ATP10B: variants seen among roughly 807,000 people sequenced by gnomAD.
ATP10B encodes ATPase phospholipid transporting 10B (putative).
In ATP10B, 122 loss-of-function variants were observed where a neutral mutation model predicts 141.2. The ratio of observed to expected loss-of-function variants is 0.86; its 90% CI spans 0.75 to 1.00. ATP10B has a LOEUF of 1.00. ATP10B is among the 50% of genes least tolerant of loss of function. ATP10B has a pLI of 0.00. For synonymous variants in ATP10B, 685 were observed against 692.0 expected (o/e 0.99, Z 0.16); for missense variants, 1,876 against 1,825.3 (o/e 1.03, Z -0.51).
chr5:160,906,226 A>C, the ATP10B span, among the ~76,000 whole-genome samples: 1 of 151,978 alleles, frequency 6.6e-6, no homozygotes, highest in Non-Finnish European at 1.5e-5. Flanking sequence ...TTTCTTGTTA[A>C]TGTGTGACCA....
chr5:160,618,964 G>T (rs1239196089), intron 15 of ATP10B, among the ~76,000 whole-genome samples: 1 of 152,148 alleles, frequency 6.6e-6, no homozygotes, highest in Non-Finnish European at 1.5e-5. Flanking sequence ...AAAGTATAAT[G>T]AAGTCCAACA....
In ATP10B at chr5:160,757,876, T is replaced by C. The variant is rs547350293; in HGVS notation, c.-331+27683A>G. ...TTGCAGGGAACTGTCCTGTGCATTG[T>C]AGGGTGGTTAGCAGCATTCTGGCCT... On this transcript the variant is annotated intron_variant, in intron 2 of 25. Transcript: ENST00000327245. Among the ~76,000 whole-genome samples, 179 of 152,294 alleles carry C rather than the reference T, an allele frequency of 1.2e-3. 1 individual carries two copies. The highest frequency in any genetic ancestry group is 4.1e-3 in the African/African-American group (172 of 41,560).
At chr5:160,645,464 C>T (rs2127682004) in intron 8 of ATP10B, among the ~76,000 whole-genome samples, 1 of 152,380 alleles carries the variant, frequency 6.6e-6, no homozygotes, top group South Asian at 2.1e-4. Flanking sequence ...CCTGTACCAG[C>T]TTTCACCTGC....
At chr5:160,799,582 A>G (rs1183039249) in intron 1 of ATP10B, among the ~76,000 whole-genome samples, 1 of 152,168 alleles carries the variant, frequency 6.6e-6, no homozygotes, top group Non-Finnish European at 1.5e-5. Context: ...TGTTTCTTCT[A>G]ATTCTCAACA....
chr5:160,803,119 C>G (rs527655850), intron 1 of ATP10B, among the ~76,000 whole-genome samples: 3 of 152,258 alleles, frequency 2.0e-5, no homozygotes, highest in African/African-American at 7.2e-5. Context: ...TTGGAACCAG[C>G]TGACCTGGGC....
At chr5:160,860,282 A>G in the ATP10B span, among the ~76,000 whole-genome samples, 2 of 151,982 alleles carry the variant, frequency 1.3e-5, no homozygotes, top group Admixed American at 1.3e-4. Flanking sequence ...ATCTTAATAA[A>G]TTTGTTAAAA....
At position 160,839,186 on chromosome 5, in the gene ATP10B, A is replaced by C. The variant is rs1319805837; in HGVS notation, c.-576+12755T>G. On this transcript the variant is annotated intron_variant, in intron 1 of 25. Coordinates refer to ENST00000327245, the MANE Select transcript of ATP10B (RefSeq NM_025153.3). ...AAAACTGACTAATACAACCTGAATG[A>C]AATGGGATATTGAATTGTGTAAAAA... Among the ~76,000 whole-genome samples, 3 of 152,206 alleles carry C rather than the reference A, an allele frequency of 2.0e-5. No homozygotes were observed. The East Asian group carries it at 5.8e-4, about 29-fold the overall frequency.
At chr5:160,752,954 A>G (rs1006732976) in intron 2 of ATP10B, among the ~76,000 whole-genome samples, 2 of 152,178 alleles carry the variant, frequency 1.3e-5, no homozygotes, top group African/African-American at 4.8e-5. Flanking sequence ...AGTTCCTCTT[A>G]CTTTCTGCTT....
chr5:160,833,310 A>C (rs1002985196), intron 1 of ATP10B, among the ~76,000 whole-genome samples: 7 of 152,194 alleles, frequency 4.6e-5, no homozygotes, highest in African/African-American at 2.4e-5. Context: ...AGGTTCTAAG[A>C]CCCAATGAAG....
chr5:160,578,494 T>C (rs1171729282), intron 24 of ATP10B, among the ~76,000 whole-genome samples: 1 of 152,210 alleles, frequency 6.6e-6, no homozygotes, highest in Non-Finnish European at 1.5e-5. Flanking sequence ...TCCAGCTTCA[T>C]CCATGTCCCT....
In ATP10B at chr5:160,797,875, G is replaced by A. The variant is rs370409063; in HGVS notation, c.-575-12072C>T. Among the ~76,000 whole-genome samples, 6 of 150,946 alleles carry A rather than the reference G, an allele frequency of 4.0e-5. No individual in the cohort carries two copies. The South Asian group carries it at 1.3e-3, about 32-fold the overall frequency. On this transcript the variant is annotated intron_variant, in intron 1 of 25. Coordinates refer to ENST00000327245, the MANE Select transcript of ATP10B (RefSeq NM_025153.3). ...GGAGACTGAGGCAGGAGAATCGCTT[G>A]AGCCCAGGAGTTCGAGACCAGCCTG...
At position 160,734,659 on chromosome 5, in the gene ATP10B, A is replaced by T. The variant is rs183792705; in HGVS notation, c.-330-17625T>A. Among the ~76,000 whole-genome samples the T allele has an allele frequency of 1.1e-3, 175 of 152,176 alleles. 4 individuals carry two copies. The East Asian group carries it at 0.031, about 27-fold the overall frequency. On this transcript the variant is annotated intron_variant, in intron 2 of 25. Coordinates refer to ENST00000327245, the MANE Select transcript of ATP10B (RefSeq NM_025153.3). ...TAAAAATTATTAACATGATCCAAAAATTTTAGGAAAAGAGGAACAACAACT... is the reference window on the plus strand; with the variant it reads ...TAAAAATTATTAACATGATCCAAAATTTTTAGGAAAAGAGGAACAACAACT...
In ATP10B at chr5:160,670,524, G is replaced by A; in HGVS notation, c.614C>T (p.Ala205Val). 6.2e-7 allele frequency: 1 copy of A among 1,613,982 alleles called. No homozygotes were observed. Among genetic ancestry groups the A allele is most frequent in the Non-Finnish European group, 8.5e-7 (1 of 1,179,988 alleles). ...DPNGICHLET[A>V]SLDGETNLKQ... The stretch of plus-strand genomic sequence containing the variant: ...GAGGTTTGTCTCTCCATCCAAGCTG[G>A]CAGTTTCCAGATGGCATATCCCATT... The change falls in exon 7 of 26, where the codon GCC (alanine) becomes GTC (valine). Residue 205 changes from alanine to valine, a missense_variant. Ala to Val is a moderately conservative substitution (Grantham distance 64). Coordinates refer to ENST00000327245, the MANE Select transcript of ATP10B (RefSeq NM_025153.3).
chr5:160,756,723 G>A (rs1768641623), intron 2 of ATP10B, among the ~76,000 whole-genome samples: 1 of 151,662 alleles, frequency 6.6e-6, no homozygotes, highest in Admixed American at 6.6e-5. Context: ...TACATAGTAG[G>A]TATATATATT....
chr5:160,875,259 C>T, the ATP10B span, among the ~76,000 whole-genome samples: 6 of 58,014 alleles, frequency 1.0e-4, 1 homozygote, highest in South Asian at 1.1e-3. Flanking sequence ...AATTTTCAAC[C>T]CAGAATTTCA....
chr5:160,617,999 G>A (rs1161748950), intron 15 of ATP10B, 26 bp from the exon 16 acceptor site: 3 of 1,561,356 alleles, frequency 1.9e-6, no homozygotes, highest in Admixed American at 3.3e-5. Context: ...TTTCCCGCAT[G>A]AGGCCACATA....
intron 19 of ATP10B, 22 bp from the exon 20 acceptor site, chr5:160,604,063 G>A: frequency 6.2e-7 from 1 of 1,604,712 alleles, no homozygotes; most frequent in African/African-American, 1.3e-5. Context: ...GTCATAACGT[G>A]TCTTTATTTT....
At chr5:160,733,684 C>T (rs199832293) in intron 2 of ATP10B, among the ~76,000 whole-genome samples, 303 of 21,116 alleles carry the variant, frequency 0.014, 1 homozygote, top group African/African-American at 0.12. Context: ...TATATATATA[C>T]ACACACACAT....
chr5:160,898,923 C>T, the ATP10B span, among the ~76,000 whole-genome samples: 2 of 150,302 alleles, frequency 1.3e-5, no homozygotes, highest in Non-Finnish European at 2.9e-5. Flanking sequence ...CATGTTCTTA[C>T]TCATAAGTGG....
Sources: allele counts gnomAD v4.1 joint callset (sites outside exome capture counted in the v4.1 genomes callset), GRCh38; gene constraint gnomAD v4.1.1; transcripts MANE v1.5; gene names NCBI Gene and HGNC (gene_info 2026-07-23, HGNC 2026-07-21).